Variants in TKTL1 observed in about 807,000 individuals in gnomAD.
The protein encoded by TKTL1 is transketolase-like protein 1.
Under a neutral mutation model 39.3 loss-of-function variants are expected in TKTL1, and 1 was observed. That is an observed-to-expected ratio of 0.03 (90% CI 0.01 to 0.12). The LOEUF (loss-of-function observed/expected upper bound fraction) is 0.12, where lower values mean the gene tolerates loss of function less well. Among genes scored for constraint, TKTL1 ranks in the 10% least tolerant of loss-of-function variants. The probability of loss-of-function intolerance (pLI) is 1.00; values close to 1 mark genes in which losing one functional copy is unlikely to be tolerated. For missense variants in TKTL1, 575 were observed against 509.6 expected (o/e 1.13, Z -1.24); for synonymous variants, 262 against 193.8 (o/e 1.35, Z -2.92).
rs150438789 is a variant in TKTL1 at position 154,325,401 on chromosome X, C to T, written c.1380C>T (p.Arg460=). ...ETMVIYTPQE[R]FEIGQAKVLR... ...TGGTTATTTACACCCCACAAGAACG[C>T]TTTGAGATCGGACAGGCCAAGGTAA... The change falls in exon 10 of 13, where the codon CGC becomes CGT. Residue 460 remains arginine, a synonymous_variant. Coordinates refer to ENST00000369915, the MANE Select transcript of TKTL1 (RefSeq NM_012253.4). The T allele has an allele frequency of 1.8e-4, 221 of 1,210,172 alleles. No homozygotes were observed. Among genetic ancestry groups the T allele is most frequent in the Non-Finnish European group, 3.7e-5 (33 of 894,888 alleles).
Position 154,295,848 on chromosome X carries a change from G to T in TKTL1, c.-12G>T. ...TAGGAGTGGGTCTTCAGACTCCAAA[G>T]GGGTTGGACTAATGGCGGATGCTGA... On this transcript the variant is annotated 5_prime_UTR_variant, in exon 1 of 13. It adds an upstream start codon to the 5' untranslated region. Coordinates refer to ENST00000369915, the MANE Select transcript of TKTL1 (RefSeq NM_012253.4). 2 of 1,209,524 alleles carry T rather than the reference G, an allele frequency of 1.7e-6. No homozygotes were observed. Among genetic ancestry groups the T allele is most frequent in the South Asian group, 3.5e-5 (2 of 56,611 alleles).
At chrX:154,326,714 G>C (rs1010894755) in intron 10 of TKTL1, among the ~76,000 whole-genome samples, 1 of 112,806 alleles carries the variant, frequency 8.9e-6, no homozygotes, top group Non-Finnish European at 1.9e-5. Context: ...TGCAGAGCTT[G>C]CTTATTTCTG....
intron 8 of TKTL1, among the ~76,000 whole-genome samples, chrX:154,322,810 C>T (rs944002647): frequency 8.9e-6 from 1 of 111,739 alleles, no homozygotes; most frequent in Non-Finnish European, 1.9e-5. Flanking sequence ...ATGCAAAACC[C>T]GGTCTCTGGA....
At chrX:154,303,196 TA>T (rs2148800802) in intron 1 of TKTL1, among the ~76,000 whole-genome samples, 1 of 98,126 alleles carries the variant, frequency 1.0e-5, no homozygotes, top group East Asian at 3.1e-4. Context: ...TTTATTTATT[TA>T]TTTATTTATT....
At chrX:154,312,911 A>G (rs781876922) in intron 6 of TKTL1, 138 bp downstream of exon 6, 1 of 595,225 alleles carries the variant, frequency 1.7e-6, no homozygotes, top group East Asian at 3.6e-5. Flanking sequence ...CATGTAACTA[A>G]CAGTTCGTAG....
chrX:154,315,723 C>T (rs946475137), intron 7 of TKTL1, among the ~76,000 whole-genome samples: 1 of 111,853 alleles, frequency 8.9e-6, no homozygotes, highest in African/African-American at 3.2e-5. Context: ...ACAGGGAATG[C>T]AGAGTTTCCT....
intron 1 of TKTL1, among the ~76,000 whole-genome samples, chrX:154,301,140 A>C (rs1480874563): frequency 9.0e-6 from 1 of 111,472 alleles, no homozygotes; most frequent in African/African-American, 3.3e-5. Flanking sequence ...CAAATTTGTG[A>C]ATTTTCCAGT....
intron 8 of TKTL1, among the ~76,000 whole-genome samples, chrX:154,322,929 CGTGGACA>C (rs2067463272): frequency 8.9e-6 from 1 of 111,985 alleles, no homozygotes; most frequent in East Asian, 2.8e-4. Context: ...GCTCAGCCAT[CGTGGACA>C]GTAACTTGGA....
chrX:154,310,281 A>C (rs1383436048), intron 3 of TKTL1, among the ~76,000 whole-genome samples: 6 of 110,177 alleles, frequency 5.4e-5, no homozygotes, highest in African/African-American at 1.6e-4. Context: ...ACATGGCGAA[A>C]CCGCCTCTCT....
At chrX:154,324,279 A>T (rs1014386799) in intron 9 of TKTL1, among the ~76,000 whole-genome samples, 1 of 110,723 alleles carries the variant, frequency 9.0e-6, no homozygotes, top group Non-Finnish European at 1.9e-5. Flanking sequence ...CTGCGACTAG[A>T]GGTGCACTCC....
intron 5 of TKTL1, 21 bp downstream of exon 5, chrX:154,311,259 T>C (rs2067355457): frequency 8.3e-7 from 1 of 1,208,490 alleles, no homozygotes; most frequent in Non-Finnish European, 1.1e-6. Context: ...ACTTTCCTCC[T>C]GCTCCTGGTT....
intron 7 of TKTL1, among the ~76,000 whole-genome samples, chrX:154,317,395 C>G (rs782293910): frequency 9.0e-6 from 1 of 111,608 alleles, no homozygotes; most frequent in Non-Finnish European, 1.9e-5. Flanking sequence ...TGGGAGACAG[C>G]ATTTCAAGCA....
intron 5 of TKTL1, 23 bp from the exon 6 acceptor site, chrX:154,312,557 G>GT: frequency 8.4e-7 from 1 of 1,192,168 alleles, no homozygotes; most frequent in Non-Finnish European, 1.1e-6. Flanking sequence ...TGGAATGGAT[G>GT]TCTTTTGTTT....
chrX:154,328,615 A>AT (rs1557172532), intron 12 of TKTL1, among the ~76,000 whole-genome samples: 1 of 104,044 alleles, frequency 9.6e-6, no homozygotes, highest in African/African-American at 3.4e-5. Flanking sequence ...GAAAGCAGGT[A>AT]TAGCAGAGAA....
At chrX:154,329,120 C>T (rs1267617511) in intron 12 of TKTL1, among the ~76,000 whole-genome samples, 4 of 112,423 alleles carry the variant, frequency 3.6e-5, no homozygotes, top group African/African-American at 1.3e-4. Flanking sequence ...ACAGACAGTC[C>T]AGGTGCATGA....
At chrX:154,321,124 CAGTG>C (rs1375864182) in intron 8 of TKTL1, among the ~76,000 whole-genome samples, 10 of 103,584 alleles carry the variant, frequency 9.7e-5, no homozygotes, top group African/African-American at 1.8e-4. Flanking sequence ...TTGTTTCAGA[CAGTG>C]AGAAACAGTT....
chrX:154,312,721 A>G lies in TKTL1; in HGVS notation c.812A>G (p.Asn271Ser), dbSNP rs782370089. 1.7e-5 allele frequency: 20 copies of G among 1,209,693 alleles called. No individual in the cohort carries two copies. Among genetic ancestry groups the G allele is most frequent in the Middle Eastern group, 2.3e-4 (1 of 4,373 alleles). ...QPPIEDSPEVNITDVRMTSPP... is the reference protein window; with the variant it reads ...QPPIEDSPEVSITDVRMTSPP... ...CCCATTGAGGACTCACCTGAAGTCA[A>G]CATCACAGATGTAAGGATGACCTCT... is the stretch of plus-strand genomic sequence containing the variant. Residue 271 changes from asparagine (N) to serine (S), a missense_variant, in exon 6 of 13, where the codon AAC (asparagine) becomes AGC (serine). By Grantham distance (46) the Asn-to-Ser change is conservative (BLOSUM62 1). Coordinates refer to ENST00000369915, the MANE Select transcript of TKTL1 (RefSeq NM_012253.4).
intron 1 of TKTL1, among the ~76,000 whole-genome samples, chrX:154,296,732 G>C (rs1294738797): frequency 8.9e-6 from 1 of 111,763 alleles, no homozygotes; most frequent in Non-Finnish European, 1.9e-5. Context: ...TTTTTGGAGT[G>C]GCTGGGTGTA....
At chrX:154,299,344 G>T (rs929664058) in intron 1 of TKTL1, among the ~76,000 whole-genome samples, 1 of 107,641 alleles carries the variant, frequency 9.3e-6, no homozygotes, top group Non-Finnish European at 1.9e-5. Context: ...TAGTAGAGAC[G>T]GTGTTTCTCC....
Sources: gnomAD v4.1 joint callset for allele counts (sites outside exome capture counted in the v4.1 genomes callset) on GRCh38, gnomAD v4.1.1 for gene constraint, MANE v1.5 for transcripts, NCBI Gene and HGNC (gene_info 2026-07-23, HGNC 2026-07-21) for gene names.